Variants in PLXNA2 observed in about 807,000 individuals in gnomAD.
PLXNA2 encodes plexin A2, also known as plexin-A2.
Under a neutral mutation model 193.5 loss-of-function variants are expected in PLXNA2, and 91 were observed. The observed-to-expected ratio is 0.47, with a 90% confidence interval of 0.40 to 0.56. PLXNA2 has a LOEUF of 0.56. Among genes scored for constraint, PLXNA2 ranks in the 20% least tolerant of loss-of-function variants. The pLI is 0.00. For synonymous variants in PLXNA2, 997 were observed against 1,027.3 expected, an observed-to-expected ratio of 0.97 and a Z score of 0.56; for missense variants, 1,995 against 2,503.2, an observed-to-expected ratio of 0.80 and a Z score of 4.33.
chr1:208,138,095 T>G (rs937365164), intron 4 of PLXNA2, among the ~76,000 whole-genome samples: 1 of 152,192 alleles, frequency 6.6e-6, no homozygotes, highest in African/African-American at 2.4e-5. Flanking sequence ...TTTAGAGAAC[T>G]TGAAAGTCTT....
intron 29 of PLXNA2, 139 bp downstream of exon 29, chr1:208,031,451 G>C (rs1232342388): frequency 4.5e-6 from 2 of 447,876 alleles, no homozygotes; most frequent in African/African-American, 6.0e-5. Flanking sequence ...TATGTGCACT[G>C]TTTGTTCCAG....
Position 208,027,992 on chromosome 1 carries a change from C to A in PLXNA2, c.5589+17G>T. 1 of 1,547,892 alleles carries A rather than the reference C, an allele frequency of 6.5e-7. No individual in the cohort carries two copies. The highest frequency in any genetic ancestry group is 1.2e-5 in the South Asian group (1 of 81,122). On this transcript the variant is annotated intron_variant, in intron 31 of 31. Coordinates refer to ENST00000367033, the MANE Select transcript of PLXNA2 (RefSeq NM_025179.4). Reference sequence around the variant, plus strand: ...CCTTGCCTGTTGGTTTCTGTCCCTGCTGGGGCCCTGTCTCACCTCCTCACT... The same window carrying A: ...CCTTGCCTGTTGGTTTCTGTCCCTGATGGGGCCCTGTCTCACCTCCTCACT...
chr1:208,201,465 C>T (rs988437361), intron 3 of PLXNA2, among the ~76,000 whole-genome samples: 4 of 152,126 alleles, frequency 2.6e-5, no homozygotes, highest in East Asian at 3.9e-4. Context: ...CAGCTGGTCC[C>T]GTCTTCTAAG....
Position 208,217,902 on chromosome 1 carries a change from C to T in PLXNA2, c.21G>A (p.Trp7Ter), listed in dbSNP as rs757632097. 1 of 1,610,756 alleles carries T rather than the reference C, an allele frequency of 6.2e-7. No homozygotes were observed. Among genetic ancestry groups the T allele is most frequent in the Non-Finnish European group, 8.5e-7 (1 of 1,179,856 alleles). Residue 7 changes from tryptophan (W) to a stop codon, truncating the protein, a stop_gained, in exon 2 of 32, where the codon TGG (tryptophan) becomes TGA (stop). Coordinates refer to ENST00000367033, the MANE Select transcript of PLXNA2 (RefSeq NM_025179.4). LOFTEE classifies it high-confidence loss of function. This position sits in a 1 kb window ranked among gnomAD's most constrained non-coding sequence, Gnocchi z 4.7. MEQRRP[W>*]PRALEVDSRS... is the part of the protein sequence containing the mutation. Reference sequence around the variant, plus strand: ...GGCTGTCCACCTCCAGGGCCCGGGGCCAGGGCCGCCTCTGTTCCATGCTGA... The same window carrying T: ...GGCTGTCCACCTCCAGGGCCCGGGGTCAGGGCCGCCTCTGTTCCATGCTGA...
At chr1:208,219,127 C>T (rs1298566934) in intron 1 of PLXNA2, among the ~76,000 whole-genome samples, 1 of 152,220 alleles carries the variant, frequency 6.6e-6, no homozygotes, top group Non-Finnish European at 1.5e-5. Flanking sequence ...TTTACTCTTC[C>T]CCCTGCCTCC....
At chr1:208,083,820 C>G (rs1009819551) in intron 10 of PLXNA2, among the ~76,000 whole-genome samples, 5 of 106,230 alleles carry the variant, frequency 4.7e-5, no homozygotes, top group Non-Finnish European at 8.6e-5. Context: ...CCTACCCCTC[C>G]CCTCCCACCT....
rs752943578 is a variant in PLXNA2, at chr1:208,216,753, G to A, written c.1170C>T (p.Asp390=). Residue 390 remains aspartate (D), a synonymous_variant, in exon 2 of 32, where the codon GAC becomes GAT. Coordinates refer to ENST00000367033, the MANE Select transcript of PLXNA2 (RefSeq NM_025179.4). ...TCCTTACCGCCTTGGTGCACTGGAC[G>A]TCCTTCCCCAGCAGCCAGTTGAGCT... ...NLELNWLLGK[D]VQCTKAPVPI... is the part of the protein sequence containing the mutation. The A allele has an allele frequency of 6.2e-6, 10 of 1,613,204 alleles. No individual in the cohort carries two copies. Among genetic ancestry groups the A allele is most frequent in the South Asian group, 3.3e-5 (3 of 91,060 alleles).
chr1:208,221,604 G>A (rs1671340640), intron 1 of PLXNA2, among the ~76,000 whole-genome samples: 1 of 152,210 alleles, frequency 6.6e-6, no homozygotes, highest in South Asian at 2.1e-4. Flanking sequence ...GCAGTGAGGG[G>A]AGGTTTGCAC....
In PLXNA2 at chr1:208,135,952, G is replaced by A. The variant is rs142294333; in HGVS notation, c.1506+6377C>T. ...TGCAATTTCTACCTCATTATAGGGA[G>A]TACTCACTCTTGGAGTCCTCAGCTG... On this transcript the variant is annotated intron_variant, in intron 4 of 31. Transcript: ENST00000367033. Among the ~76,000 whole-genome samples, 462 of 152,248 alleles carry A rather than the reference G, an allele frequency of 3.0e-3. 1 individual carries two copies. Among genetic ancestry groups the A allele is most frequent in the Non-Finnish European group, 4.9e-3 (331 of 68,014 alleles).
At chr1:208,119,437 C>G (rs1667739295) in intron 4 of PLXNA2, among the ~76,000 whole-genome samples, 1 of 152,108 alleles carries the variant, frequency 6.6e-6, no homozygotes, top group Admixed American at 6.5e-5. Context: ...AGCTCTAGTC[C>G]CTGCAAAGCC....
chr1:208,118,924 G>A (rs190933258), intron 4 of PLXNA2, among the ~76,000 whole-genome samples: 8 of 152,174 alleles, frequency 5.3e-5, no homozygotes, highest in Admixed American at 3.9e-4. Flanking sequence ...ACTTAGCATC[G>A]AGCTGTGCTT....
At chr1:208,216,357 AT>A (rs1476761365) in intron 2 of PLXNA2, among the ~76,000 whole-genome samples, 2 of 152,246 alleles carry the variant, frequency 1.3e-5, no homozygotes, top group Non-Finnish European at 2.9e-5. Context: ...CTCTATAGCC[AT>A]TATCACCATT....
intron 3 of PLXNA2, among the ~76,000 whole-genome samples, chr1:208,184,776 A>C (rs1332160901): frequency 6.6e-6 from 1 of 152,186 alleles, no homozygotes; most frequent in African/African-American, 2.4e-5. Flanking sequence ...CGCCTCATGC[A>C]GTTCCAGGGA....
At chr1:208,051,650 G>A (rs557811125) in intron 15 of PLXNA2, among the ~76,000 whole-genome samples, 52 of 152,270 alleles carry the variant, frequency 3.4e-4, no homozygotes, top group African/African-American at 1.2e-3. Context: ...TGAGGGGCAG[G>A]GATAGGGTTT....
chr1:208,136,290 C>G (rs1398882272), intron 4 of PLXNA2, among the ~76,000 whole-genome samples: 1 of 152,198 alleles, frequency 6.6e-6, no homozygotes, highest in Non-Finnish European at 1.5e-5. Flanking sequence ...TTAAAAATAT[C>G]CCCAAACCTG....
intron 5 of PLXNA2, among the ~76,000 whole-genome samples, chr1:208,101,223 C>G (rs1667086797): frequency 6.6e-6 from 1 of 152,120 alleles, no homozygotes; most frequent in Non-Finnish European, 1.5e-5. Flanking sequence ...GCAAGGCATA[C>G]AGAAGAGACA....
At chr1:208,187,355 T>C (rs934727856) in intron 3 of PLXNA2, among the ~76,000 whole-genome samples, 4 of 152,066 alleles carry the variant, frequency 2.6e-5, no homozygotes, top group East Asian at 1.9e-4. Flanking sequence ...AAGAGAAAGA[T>C]GGTTTTTGTT....
chr1:208,221,229 A>G (rs1405341635), intron 1 of PLXNA2, among the ~76,000 whole-genome samples: 2 of 152,198 alleles, frequency 1.3e-5, no homozygotes, highest in Admixed American at 6.5e-5. Flanking sequence ...AGGTATTTGA[A>G]TTAGTCAACC....
In PLXNA2 at chr1:208,052,433, G is replaced by A. The variant is rs148394446; in HGVS notation, c.2887C>T (p.Arg963Ter). ...NPSVLSLNPI[R>*]GPESGGTMVT... ...ATAGTGCCTCCTGACTCGGGACCTC[G>A]GATTGGGTTGAGTGACAGCACAGAA... is the stretch of plus-strand genomic sequence containing the variant. Residue 963 changes from arginine to a stop codon, truncating the protein, a stop_gained, in exon 15 of 32, where the codon CGA becomes TGA. Transcript: ENST00000367033. LOFTEE classifies it high-confidence loss of function. The A allele has an allele frequency of 1.2e-6, 2 of 1,614,116 alleles. No homozygotes were observed. Among genetic ancestry groups the A allele is most frequent in the Non-Finnish European group, 1.7e-6 (2 of 1,179,994 alleles).
Sources: gnomAD v4.1 joint callset for allele counts (sites outside exome capture counted in the v4.1 genomes callset) on GRCh38, gnomAD v4.1.1 for gene constraint, Gnocchi (gnomAD v3.1) non-coding constraint, MANE v1.5 for transcripts, NCBI Gene and HGNC (gene_info 2026-07-23, HGNC 2026-07-21) for gene names.